Variants in DYSF observed in about 807,000 individuals in gnomAD.
DYSF encodes the protein dysferlin.
DYSF carries 212 observed loss-of-function variants against 274.9 expected under a neutral mutation model. The observed-to-expected ratio is 0.77, with a 90% CI of 0.69 to 0.86. DYSF has a LOEUF of 0.86. Ranked by LOEUF, DYSF falls within the 40% of genes least tolerant of loss-of-function variation. The probability of loss-of-function intolerance (pLI) is 0.00; values close to 1 mark genes in which losing one functional copy is unlikely to be tolerated. For synonymous variants in DYSF, 1,091 were observed against 1,078.7 expected (o/e 1.01, Z -0.22); for missense variants, 2,666 against 2,783.2 (o/e 0.96, Z 0.95).
intron 3 of DYSF, among the ~76,000 whole-genome samples, chr2:71,492,705 C>G (rs369003771): frequency 6.5e-5 from 9 of 139,236 alleles, no homozygotes; most frequent in Admixed American, 1.4e-4. Flanking sequence ...TCCTCCCCCC[C>G]CCCCTTTTCT....
intron 12 of DYSF, among the ~76,000 whole-genome samples, chr2:71,522,471 A>T (rs12713757): frequency 0.67 from 101,431 of 151,864 alleles, 34,729 homozygotes; most frequent in African/African-American, 0.75. Flanking sequence ...CTCCTCCCTT[A>T]GTATTCATGA....
chr2:71,660,498 A>C (rs1302735919), intron 44 of DYSF, 62 bp from the exon 45 acceptor site: 6 of 1,426,128 alleles, frequency 4.2e-6, no homozygotes, highest in African/African-American at 1.4e-5. Flanking sequence ...CAAGGCACTC[A>C]TGAAGCCTCA....
At chr2:71,624,628 A>G (rs1275525997) in intron 41 of DYSF, among the ~76,000 whole-genome samples, 1 of 152,216 alleles carries the variant, frequency 6.6e-6, no homozygotes, top group Non-Finnish European at 1.5e-5. Context: ...GGCTTTATGT[A>G]CAAAATGTGT....
chr2:71,544,097 T>C (rs2090262344), intron 17 of DYSF, among the ~76,000 whole-genome samples: 1 of 152,254 alleles, frequency 6.6e-6, no homozygotes, highest in African/African-American at 2.4e-5. Flanking sequence ...CTACATCTTC[T>C]TGTACTCTAC....
chr2:71,621,906 G>T (rs1041322172), intron 41 of DYSF, among the ~76,000 whole-genome samples: 8 of 151,988 alleles, frequency 5.3e-5, no homozygotes, highest in Non-Finnish European at 2.9e-5. Context: ...TGATCTGCCC[G>T]CCTCGGCCTC....
At chr2:71,540,181 G>T (rs548264088) in intron 17 of DYSF, among the ~76,000 whole-genome samples, 2 of 149,354 alleles carry the variant, frequency 1.3e-5, no homozygotes, top group African/African-American at 2.5e-5. Flanking sequence ...CCCAAACTCA[G>T]CTCACTGCAA....
In DYSF at chr2:71,572,841, G is replaced by A. The variant is rs114512697; in HGVS notation, c.3229-1357G>A. On this transcript the variant is annotated intron_variant, in intron 29 of 55. Coordinates refer to ENST00000410020, the MANE Select transcript of DYSF (RefSeq NM_001130987.2). ...GCAGCTGGGGATGGGTGCGCCACAC[G>A]TGTACATTGGCTGGTGAGGGGGCTG... Among the ~76,000 whole-genome samples the A allele has an allele frequency of 8.3e-3, 1,269 of 152,302 alleles. 15 individuals carry two copies. The highest frequency in any genetic ancestry group is 0.029 in the African/African-American group (1,218 of 41,562).
chr2:71,492,080 T>C (rs2083903356), intron 3 of DYSF, among the ~76,000 whole-genome samples: 1 of 152,196 alleles, frequency 6.6e-6, no homozygotes. Context: ...CATATCCTTA[T>C]TTTCAAGGAT....
chr2:71,601,393 C>T, intron 34 of DYSF, 106 bp from the exon 35 acceptor site: 1 of 1,475,886 alleles, frequency 6.8e-7, no homozygotes, highest in Middle Eastern at 1.7e-4. Flanking sequence ...ATAGAGGCTG[C>T]AAACCATGGA....
chr2:71,509,879 G>T (rs1006515875), intron 4 of DYSF, among the ~76,000 whole-genome samples: 2 of 152,076 alleles, frequency 1.3e-5, no homozygotes, highest in Non-Finnish European at 2.9e-5. Flanking sequence ...AGGTTCAAGC[G>T]ATTCTCCTGC....
chr2:71,477,620 G>A lies in DYSF; in HGVS notation c.92-3263G>A, dbSNP rs146428211. Reference sequence around the variant, plus strand: ...TGTGTCAACATCTGGGAAGATCTACGTAACTGACTGAACAAAAATTTTCCA... The same window carrying A: ...TGTGTCAACATCTGGGAAGATCTACATAACTGACTGAACAAAAATTTTCCA... On this transcript the variant is annotated intron_variant, in intron 1 of 55. Coordinates refer to ENST00000410020, the MANE Select transcript of DYSF (RefSeq NM_001130987.2). Among the ~76,000 whole-genome samples the A allele has an allele frequency of 1.8e-3, 270 of 152,298 alleles. 1 individual carries two copies. Among genetic ancestry groups the A allele is most frequent in the Non-Finnish European group, 2.9e-3 (195 of 68,014 alleles).
intron 42 of DYSF, among the ~76,000 whole-genome samples, chr2:71,653,148 A>C (rs1014452578): frequency 6.6e-6 from 1 of 152,234 alleles, no homozygotes; most frequent in Admixed American, 6.5e-5. Context: ...ATCATTAAAA[A>C]GTCAGGAAAC....
chr2:71,537,207 T>A (rs1640509011), intron 16 of DYSF, among the ~76,000 whole-genome samples: 1 of 149,252 alleles, frequency 6.7e-6, no homozygotes, highest in African/African-American at 2.5e-5. Context: ...GCAGGAAATT[T>A]TTACTTTCTA....
intron 29 of DYSF, 51 bp downstream of exon 29, chr2:71,570,792 A>G (rs1403517729): frequency 6.2e-7 from 1 of 1,609,314 alleles, no homozygotes; most frequent in African/African-American, 1.3e-5. Flanking sequence ...ACAGGTGGCC[A>G]GTAGGCACAG....
At chr2:71,612,511 C>A in intron 38 of DYSF, 130 bp from the exon 39 acceptor site, 1 of 1,422,018 alleles carries the variant, frequency 7.0e-7, no homozygotes, top group Non-Finnish European at 9.7e-7. Context: ...CAGCTCTGGG[C>A]CAGCCACCAT....
chr2:71,494,757 G>T (rs1260397330), intron 3 of DYSF, among the ~76,000 whole-genome samples: 1 of 152,208 alleles, frequency 6.6e-6, no homozygotes, highest in Non-Finnish European at 1.5e-5. Flanking sequence ...ATTAGGTTGG[G>T]TGTCTCATCT....
chr2:71,616,211 G>C (rs898060685), intron 40 of DYSF, among the ~76,000 whole-genome samples: 7 of 152,116 alleles, frequency 4.6e-5, no homozygotes, highest in African/African-American at 1.7e-4. Context: ...GCCAATTCTG[G>C]AGGTGACTCA....
At chr2:71,680,807 C>T (rs761021240) in intron 53 of DYSF, among the ~76,000 whole-genome samples, 194 bp from the exon 54 acceptor site, 2 of 152,224 alleles carry the variant, frequency 1.3e-5, no homozygotes, top group Non-Finnish European at 2.9e-5. Flanking sequence ...GTAGGGGTGG[C>T]AGTCTCCCTT....
intron 30 of DYSF, among the ~76,000 whole-genome samples, chr2:71,585,537 A>C (rs548101590): frequency 6.6e-6 from 1 of 152,248 alleles, no homozygotes; most frequent in South Asian, 2.1e-4. Flanking sequence ...GAAATTCCCC[A>C]AGCTTGAGCC....
Sources: allele counts gnomAD v4.1 joint callset (sites outside exome capture counted in the v4.1 genomes callset), GRCh38; gene constraint gnomAD v4.1.1; transcripts MANE v1.5; gene names NCBI Gene and HGNC (gene_info 2026-07-23, HGNC 2026-07-21).